DCHS2: variants seen among roughly 807,000 people sequenced by gnomAD.
DCHS2 encodes dachsous cadherin-related 2, also known as protocadherin-23.
In DCHS2, 142 loss-of-function variants were observed where a neutral mutation model predicts 182.4. The ratio of observed to expected loss-of-function variants is 0.78; its 90% confidence interval spans 0.68 to 0.89. The LOEUF is 0.89. Ranked by LOEUF, DCHS2 falls within the 40% of genes least tolerant of loss-of-function variation. The pLI is 0.00. For synonymous variants in DCHS2, 1,740 were observed against 1,663.3 expected (o/e 1.05, Z -1.12); for missense variants, 4,319 against 4,198.6 (o/e 1.03, Z -0.79).
chr4:154,388,339 A>G (rs140695432), intron 1 of DCHS2, among the ~76,000 whole-genome samples: 291 of 152,226 alleles, frequency 1.9e-3, no homozygotes, highest in African/African-American at 6.8e-3. Context: ...GTAACTAAAA[A>G]TTACATATAA....
intron 1 of DCHS2, among the ~76,000 whole-genome samples, chr4:154,477,375 A>G (rs1210876025): frequency 2.0e-5 from 3 of 152,214 alleles, no homozygotes; most frequent in Admixed American, 6.5e-5. Flanking sequence ...TAGGACTTCA[A>G]TGTATGAATT....
At position 154,377,381 on chromosome 4, in the gene DCHS2, A is replaced by T; in HGVS notation, c.2116T>A (p.Phe706Ile). ...GCCTGAGGTGCTTCATAGCTCAGGA[A>T]TCCATCATAAAGAGAATATTCAATA... ...GFIEYSLYDG[F>I]LSYEAPQAFR... is the part of the protein sequence containing the mutation. Residue 706 changes from phenylalanine (F) to isoleucine (I), a missense_variant, in exon 2 of 20, where the codon TTC becomes ATC. Coordinates refer to ENST00000357232, the MANE Select transcript of DCHS2 (RefSeq NM_001358235.2). The T allele has an allele frequency of 6.2e-7, 1 of 1,613,640 alleles. No individual in the cohort carries two copies. The highest frequency in any genetic ancestry group is 8.5e-7 in the Non-Finnish European group (1 of 1,179,696).
intron 10 of DCHS2, 40 bp from the exon 11 acceptor site, chr4:154,305,271 T>C (rs1340969250): frequency 6.3e-7 from 1 of 1,581,970 alleles, no homozygotes; most frequent in Non-Finnish European, 8.6e-7. Context: ...AATCATTTCT[T>C]TGAAATACAT....
At position 154,490,362 on chromosome 4, in the gene DCHS2, G is replaced by T. The variant is rs375778284; in HGVS notation, c.994C>A (p.Arg332Ser). 9.8e-5 allele frequency: 150 copies of T among 1,537,740 alleles called. No homozygotes were observed. The East Asian group carries it at 3.5e-3, about 36-fold the overall frequency. Residue 332 changes from arginine to serine, a missense_variant, in exon 1 of 20, where the codon CGC (arginine) becomes AGC (serine). Transcript: ENST00000357232. ...ACTTGCCGGGCGCGGACGCTGTAGC[G>T]CACGAAGCCATTGGGCCCCAGGTCG... ...DRDLGPNGFV[R>S]YSVRARQVPG... is the part of the protein sequence containing the mutation.
intron 19 of DCHS2, among the ~76,000 whole-genome samples, chr4:154,238,711 C>T (rs1265530867): frequency 6.6e-6 from 1 of 152,108 alleles, no homozygotes; most frequent in Admixed American, 6.5e-5. Context: ...TAAAATTATT[C>T]TTGTGCTTAT....
At chr4:154,471,510 G>A (rs1735467027) in intron 1 of DCHS2, among the ~76,000 whole-genome samples, 1 of 152,018 alleles carries the variant, frequency 6.6e-6, no homozygotes. Context: ...ATGGTTTATT[G>A]TAGTACCTTA....
intron 1 of DCHS2, among the ~76,000 whole-genome samples, chr4:154,425,470 TCA>T (rs1438135878): frequency 6.6e-6 from 1 of 152,174 alleles, no homozygotes; most frequent in Non-Finnish European, 1.5e-5. Flanking sequence ...AAGTACAAAC[TCA>T]CTGCCCTATT....
At chr4:154,341,212 C>CA (rs1337557971) in intron 3 of DCHS2, among the ~76,000 whole-genome samples, 6 of 151,594 alleles carry the variant, frequency 4.0e-5, no homozygotes, top group Non-Finnish European at 7.4e-5. Context: ...CCTAAAAATA[C>CA]AAAAAAATTA....
At chr4:154,475,778 G>A (rs938119666) in intron 1 of DCHS2, among the ~76,000 whole-genome samples, 1 of 152,112 alleles carries the variant, frequency 6.6e-6, no homozygotes, top group Non-Finnish European at 1.5e-5. Context: ...CTTTTTAAGT[G>A]CTTACATGTG....
At chr4:154,383,488 ATAAAG>A (rs1267428700) in intron 1 of DCHS2, among the ~76,000 whole-genome samples, 1 of 152,240 alleles carries the variant, frequency 6.6e-6, no homozygotes, top group African/African-American at 2.4e-5. Context: ...ATTACAAAAA[ATAAAG>A]TAAAATACAA....
chr4:154,384,671 G>A (rs557725462), intron 1 of DCHS2, among the ~76,000 whole-genome samples: 4 of 152,144 alleles, frequency 2.6e-5, no homozygotes, highest in Non-Finnish European at 4.4e-5. Context: ...GTCCTCACAA[G>A]AGATAGACAG....
chr4:154,402,594 C>T (rs1442491599), intron 1 of DCHS2, among the ~76,000 whole-genome samples: 12 of 152,182 alleles, frequency 7.9e-5, no homozygotes, highest in Admixed American at 7.9e-4. Context: ...ATGGGGAGGC[C>T]TCACAATCAG....
At chr4:154,463,465 T>G (rs946387811) in intron 1 of DCHS2, among the ~76,000 whole-genome samples, 32 of 152,100 alleles carry the variant, frequency 2.1e-4, no homozygotes, top group Admixed American at 2.1e-3. Context: ...CTGACATATT[T>G]TTAACAAAAC....
At chr4:154,321,364 A>G in intron 8 of DCHS2, 142 bp from the exon 9 acceptor site, 2 of 926,560 alleles carry the variant, frequency 2.2e-6, no homozygotes, top group Non-Finnish European at 2.9e-6. Context: ...TCATTTTTAT[A>G]TTATATAATT....
intron 2 of DCHS2, among the ~76,000 whole-genome samples, chr4:154,376,104 T>TA (rs1207019110): frequency 6.6e-6 from 1 of 152,048 alleles, no homozygotes; most frequent in Non-Finnish European, 1.5e-5. Flanking sequence ...GGAGGACAGT[T>TA]ACAACAAGAT....
At position 154,441,716 on chromosome 4, in the gene DCHS2, C is replaced by T. The variant is rs1734019907; in HGVS notation, c.2052+47588G>A. ...TATTAAATTTGTACTGAATGAGCTA[C>T]GTCACCATTTATTAGGCTTTTTTTT... On this transcript the variant is annotated intron_variant, in intron 1 of 19. Transcript: ENST00000357232. Among the ~76,000 whole-genome samples the T allele has an allele frequency of 3.7e-5, 5 of 135,940 alleles. No individual in the cohort carries two copies. In the South Asian group the frequency reaches 9.6e-4, roughly 26 times the overall value. The allele number at this position is 135,940 out of a possible 152,430, so 89.2% of individuals were successfully genotyped here. A position where few individuals can be genotyped will look rare whatever the true frequency, so the allele number is the denominator to read the frequency against.
At chr4:154,337,757 T>TTAC (rs1728879332) in intron 3 of DCHS2, among the ~76,000 whole-genome samples, 1 of 151,960 alleles carries the variant, frequency 6.6e-6, no homozygotes, top group Admixed American at 6.6e-5. Flanking sequence ...ATTATTATTA[T>TTAC]TGAGATGAAG....
At chr4:154,263,914 G>A (rs1033074781) in intron 14 of DCHS2, among the ~76,000 whole-genome samples, 1 of 151,558 alleles carries the variant, frequency 6.6e-6, no homozygotes, top group Admixed American at 6.6e-5. Context: ...TAATTACAAT[G>A]TTCTTCCAAA....
intron 1 of DCHS2, among the ~76,000 whole-genome samples, chr4:154,446,960 G>GCACA (rs3063678): frequency 1.3e-4 from 19 of 150,450 alleles, no homozygotes; most frequent in African/African-American, 4.4e-4. Context: ...TCATACACAC[G>GCACA]CACACACACA....
Sources: gnomAD v4.1 joint callset for allele counts (sites outside exome capture counted in the v4.1 genomes callset) on GRCh38, gnomAD v4.1.1 for gene constraint, MANE v1.5 for transcripts, NCBI Gene and HGNC (gene_info 2026-07-23, HGNC 2026-07-21) for gene names.